RAD51B: variants seen among roughly 807,000 people sequenced by gnomAD.
RAD51B encodes DNA repair protein RAD51 homolog 2.
In RAD51B, 38 loss-of-function variants were observed where a neutral mutation model predicts 42.2. The observed-to-expected ratio is 0.90, with a 90% CI of 0.70 to 1.18. RAD51B has a LOEUF of 1.18. Ranked by LOEUF, RAD51B falls within the 50% of genes most tolerant of loss-of-function variation. RAD51B has a pLI of 0.00. For missense variants in RAD51B, 373 were observed against 400.7 expected, an observed-to-expected ratio of 0.93 and a Z score of 0.59; for synonymous variants, 154 against 145.2, an observed-to-expected ratio of 1.06 and a Z score of -0.43.
At chr14:67,857,408 A>G (rs901863489) in intron 4 of RAD51B, among the ~76,000 whole-genome samples, 1 of 152,250 alleles carries the variant, frequency 6.6e-6, no homozygotes, top group Non-Finnish European at 1.5e-5. Context: ...GAATCAGTAC[A>G]TAAAAATAAT....
At chr14:68,370,840 C>T (rs1416010634) in intron 8 of RAD51B, among the ~76,000 whole-genome samples, 1 of 148,930 alleles carries the variant, frequency 6.7e-6, no homozygotes, top group Non-Finnish European at 1.5e-5. Context: ...GTCAGGAGTT[C>T]GACCCAATAT....
intron 8 of RAD51B, among the ~76,000 whole-genome samples, chr14:68,344,259 C>A (rs2082626784): frequency 6.6e-6 from 1 of 152,280 alleles, no homozygotes; most frequent in Admixed American, 6.5e-5. Flanking sequence ...ATGGGGTCTG[C>A]ATCCTGCAAA....
intron 8 of RAD51B, among the ~76,000 whole-genome samples, chr14:68,364,902 C>T (rs1391439354): frequency 6.6e-6 from 1 of 152,174 alleles, no homozygotes; most frequent in African/African-American, 2.4e-5. Flanking sequence ...CCCGCTCAAG[C>T]TCCCTGGACC....
chr14:67,968,122 G>A (rs1454928834), intron 7 of RAD51B, among the ~76,000 whole-genome samples: 1 of 152,206 alleles, frequency 6.6e-6, no homozygotes, highest in Non-Finnish European at 1.5e-5. Flanking sequence ...GCTGTACCTT[G>A]ACCCCTTTTA....
intron 10 of RAD51B, chr14:68,470,734 A>G (rs1282839038): frequency 2.3e-6 from 1 of 436,214 alleles, no homozygotes; most frequent in Non-Finnish European, 4.4e-6. Context: ...GTGTTTGTGA[A>G]TGTCCACATA....
At chr14:68,349,739 C>G (rs2082746248) in intron 8 of RAD51B, among the ~76,000 whole-genome samples, 1 of 152,138 alleles carries the variant, frequency 6.6e-6, no homozygotes, top group Non-Finnish European at 1.5e-5. Flanking sequence ...GTTGCTCACC[C>G]TGTGTTTTCC....
intron 9 of RAD51B, among the ~76,000 whole-genome samples, chr14:68,461,284 A>G (rs2085837926): frequency 6.7e-6 from 1 of 148,714 alleles, no homozygotes; most frequent in Non-Finnish European, 1.5e-5. Context: ...GCCCGCACGG[A>G]TACCCTGTCC....
rs115378540 is a variant in RAD51B, at chr14:68,586,238, C to T, written c.1037-8247C>T. Among the ~76,000 whole-genome samples the T allele has an allele frequency of 3.4e-3, 515 of 152,324 alleles. 5 individuals are homozygous for T. Among genetic ancestry groups the T allele is most frequent in the African/African-American group, 0.012 (480 of 41,574 alleles). ...TTCAAAGCTGGGCAGTGATGAGCCTCAAGTAACCCGATGGACCTGTAGCAA... is the reference window on the plus strand; with the variant it reads ...TTCAAAGCTGGGCAGTGATGAGCCTTAAGTAACCCGATGGACCTGTAGCAA... On this transcript the variant is annotated intron_variant, in intron 10 of 10. Coordinates refer to the RAD51B transcript ENST00000487270.
intron 7 of RAD51B, among the ~76,000 whole-genome samples, chr14:67,999,597 A>G (rs952902607): frequency 6.6e-6 from 1 of 152,202 alleles, no homozygotes; most frequent in African/African-American, 2.4e-5. Context: ...GTATTATGCA[A>G]CCTCTCACAT....
chr14:68,668,122 G>A (rs1225514556), intron 11 of RAD51B, among the ~76,000 whole-genome samples: 1 of 152,174 alleles, frequency 6.6e-6, no homozygotes, highest in Non-Finnish European at 1.5e-5. Context: ...TGAATACCCA[G>A]GTGCTCATTT....
intron 5 of RAD51B, among the ~76,000 whole-genome samples, chr14:67,872,346 A>T (rs1326869201): frequency 1.5e-5 from 1 of 65,236 alleles, no homozygotes; most frequent in Non-Finnish European, 3.0e-5. Flanking sequence ...CAATTGCTTC[A>T]AAGAGAATAA....
chr14:68,260,053 A>G lies in RAD51B; in HGVS notation c.757-31831A>G, dbSNP rs184562154. On this transcript the variant is annotated intron_variant, in intron 7 of 10. Transcript: ENST00000471583. ...GTGATATATTTGACCAGGGAAATAAAACTAAGGAAAGTGATAATGGGGGGG... is the reference window on the plus strand; with the variant it reads ...GTGATATATTTGACCAGGGAAATAAGACTAAGGAAAGTGATAATGGGGGGG... Among the ~76,000 whole-genome samples, 10 of 152,100 alleles carry G rather than the reference A, an allele frequency of 6.6e-5. No homozygotes were observed. In the East Asian group the frequency reaches 1.9e-3, roughly 29 times the overall value.
intron 7 of RAD51B, among the ~76,000 whole-genome samples, chr14:68,090,303 T>A (rs2077069036): frequency 1.3e-5 from 2 of 152,238 alleles, no homozygotes; most frequent in Non-Finnish European, 2.9e-5. Context: ...GATCTTTTGG[T>A]ATTGAATGAC....
intron 7 of RAD51B, among the ~76,000 whole-genome samples, chr14:68,130,890 G>T (rs1345786727): frequency 1.3e-5 from 2 of 152,036 alleles, no homozygotes. Flanking sequence ...GTGGGTGTGT[G>T]TTTGTGTGTG....
At chr14:68,373,726 G>A (rs1281363113) in intron 8 of RAD51B, among the ~76,000 whole-genome samples, 1 of 152,132 alleles carries the variant, frequency 6.6e-6, no homozygotes, top group Non-Finnish European at 1.5e-5. Context: ...CATGGCACAA[G>A]TATACCTATG....
intron 7 of RAD51B, among the ~76,000 whole-genome samples, chr14:67,889,318 A>G (rs567562137): frequency 4.1e-5 from 6 of 147,988 alleles, no homozygotes; most frequent in Non-Finnish European, 5.9e-5. Context: ...CAGGTCCGAG[A>G]TTTAATTAAA....
Position 67,944,868 on chromosome 14 carries a change from A to T in RAD51B, c.756+57664A>T, listed in dbSNP as rs114864163. On this transcript the variant is annotated intron_variant, in intron 7 of 10. Transcript: ENST00000471583. ...CCCTTATGGACCTTACAGTTATTAGATACCCCACAGACATTTTTTGAAATC... is the reference window on the plus strand; with the variant it reads ...CCCTTATGGACCTTACAGTTATTAGTTACCCCACAGACATTTTTTGAAATC... 8.9e-3 allele frequency among the ~76,000 whole-genome samples: 1,350 copies of T among 152,284 alleles called. 21 individuals carry two copies. Among genetic ancestry groups the T allele is most frequent in the African/African-American group, 0.031 (1,272 of 41,558 alleles).
In RAD51B at chr14:68,265,826, T is replaced by C. The variant is rs1430407320; in HGVS notation, c.757-26058T>C. On this transcript the variant is annotated intron_variant, in intron 7 of 10. Coordinates refer to ENST00000471583, the MANE Select transcript of RAD51B (RefSeq NM_133510.4). Reference sequence around the variant, plus strand: ...TATGATAAATGCTATTCTGTTGGTATGAATCAAGTAGCACAGAGGAAGAAA... The same window carrying C: ...TATGATAAATGCTATTCTGTTGGTACGAATCAAGTAGCACAGAGGAAGAAA... 3.9e-5 allele frequency among the ~76,000 whole-genome samples: 6 copies of C among 152,326 alleles called. No individual in the cohort carries two copies. In the East Asian group the frequency reaches 1.2e-3, roughly 29 times the overall value.
chr14:68,636,993 A>G (rs920366063), intron 10 of RAD51B, among the ~76,000 whole-genome samples: 1 of 152,142 alleles, frequency 6.6e-6, no homozygotes, highest in African/African-American at 2.4e-5. Context: ...AATTCTTGAC[A>G]TTCTATTTTG....
Sources: gnomAD v4.1 joint callset for allele counts (sites outside exome capture counted in the v4.1 genomes callset) on GRCh38, gnomAD v4.1.1 for gene constraint, MANE v1.5 for transcripts, NCBI Gene and HGNC (gene_info 2026-07-23, HGNC 2026-07-21) for gene names.